The following SMO variants were observed in gnomAD, a reference collection of about 807,000 sequenced individuals.
SMO encodes the protein smoothened, frizzled class receptor, also known as protein smoothened.
Under a neutral mutation model 81.6 loss-of-function variants are expected in SMO, and 40 were observed. The ratio of observed to expected loss-of-function variants is 0.49; its 90% CI spans 0.38 to 0.64. SMO has a LOEUF of 0.64. Among genes scored for constraint, SMO ranks in the 30% least tolerant of loss-of-function variants. The pLI, the probability that SMO is intolerant of heterozygous loss-of-function variation, is 0.00. For synonymous variants in SMO, 434 were observed against 432.1 expected (o/e 1.00, Z -0.05); for missense variants, 916 against 1,061.1 (o/e 0.86, Z 1.90).
Position 129,206,465 on chromosome 7 carries a change from T to A in SMO, c.1142T>A (p.Val381Glu). The A allele has an allele frequency of 6.2e-7, 1 of 1,613,974 alleles. No homozygotes were observed. Among genetic ancestry groups the A allele is most frequent in the Non-Finnish European group, 8.5e-7 (1 of 1,179,928 alleles). Reference protein sequence around the residue: ...LTVAILAVAQVDGDSVSGICF... With the variant: ...LTVAILAVAQEDGDSVSGICF... ...CTGTCCCACCCCTTCCTGCTGCAGG[T>A]GGATGGGGACTCTGTGAGTGGGATT... The change falls in exon 6 of 12, where the codon GTG becomes GAG. Residue 381 changes from valine (V) to glutamate (E), a missense_variant and splice_region_variant. Physicochemically the swap from Val to Glu is moderately radical, Grantham distance 121 (BLOSUM62 -2). This residue lies in a region of SMO where 436 missense variants were observed against 570.9 expected (regional missense o/e 0.76). Transcript: ENST00000249373. This position sits in a 1 kb window ranked among gnomAD's most constrained non-coding sequence, Gnocchi z 4.4.
At chr7:129,205,558 G>C (rs952101307) in intron 3 of SMO, 52 bp from the exon 4 acceptor site, 6 of 1,568,300 alleles carry the variant, frequency 3.8e-6, no homozygotes, top group Non-Finnish European at 5.3e-6. Flanking sequence ...AAGGGTGTCT[G>C]TGTCAGCAGA....
chr7:129,194,218 T>A (rs1412280689), intron 1 of SMO, among the ~76,000 whole-genome samples: 5 of 151,884 alleles, frequency 3.3e-5, no homozygotes, highest in Non-Finnish European at 7.4e-5. Context: ...TAAAAAAAAA[T>A]TATCTTTAAT....
In SMO at chr7:129,212,570, C is replaced by T; in HGVS notation, c.*119C>T. The stretch of plus-strand genomic sequence containing the variant: ...TCCAGAGAACCTGTGGGCTGACTGC[C>T]CTCCGAAGAGAGTTCTGGATGTCTG... On this transcript the variant is annotated 3_prime_UTR_variant, in exon 12 of 12. Transcript: ENST00000249373. The surrounding 1 kb of genome is among the most constrained non-coding windows in gnomAD (Gnocchi z 5.0). 2 of 957,720 alleles carry T rather than the reference C, an allele frequency of 2.1e-6. No homozygotes were observed. The highest frequency in any genetic ancestry group is 3.1e-6 in the Non-Finnish European group (2 of 648,952). 59.3% of individuals were successfully genotyped at this position (957,720 alleles called of 1,614,324 possible). A position where few individuals can be genotyped will look rare whatever the true frequency, so the allele number is the denominator to read the frequency against.
Position 129,212,224 on chromosome 7 carries a change from C to T in SMO, c.2137C>T (p.Leu713=), listed in dbSNP as rs2150656814. The part of the protein sequence containing the change: ...RLPQLPRQKC[L]VAAGAWGAGD... ...GCCTCAGCTGCCCCGGCAGAAATGCCTGGTGGCTGCAGGTGCCTGGGGAGC... is the reference window on the plus strand; with the variant it reads ...GCCTCAGCTGCCCCGGCAGAAATGCTTGGTGGCTGCAGGTGCCTGGGGAGC... Residue 713 remains leucine, a synonymous_variant, in exon 12 of 12, where the codon CTG becomes TTG. Transcript: ENST00000249373. This position sits in a 1 kb window ranked among gnomAD's most constrained non-coding sequence, Gnocchi z 5.0. 1 of 1,584,134 alleles carries T rather than the reference C, an allele frequency of 6.3e-7. No homozygotes were observed. Among genetic ancestry groups the T allele is most frequent in the South Asian group, 1.1e-5 (1 of 87,914 alleles).
Position 129,208,691 on chromosome 7 carries a change from C to A in SMO, c.1265-68C>A. 1 of 956,794 alleles carries A rather than the reference C, an allele frequency of 1.0e-6. No individual in the cohort carries two copies. 59.3% of individuals were successfully genotyped at this position (956,794 alleles called of 1,614,324 possible). A position where few individuals can be genotyped will look rare whatever the true frequency, so the allele number is the denominator to read the frequency against. ...CTCCAGAGCCTTAGGACCCTCCTCC[C>A]ACTCACCCATCCTTCCCAGCAGGGC... On this transcript the variant is annotated intron_variant, in intron 6 of 11. Transcript: ENST00000249373. The surrounding 1 kb of genome is among the most constrained non-coding windows in gnomAD (Gnocchi z 5.2).
intron 1 of SMO, among the ~76,000 whole-genome samples, chr7:129,199,795 A>G (rs1377272184): frequency 6.6e-6 from 1 of 152,202 alleles, no homozygotes; most frequent in Non-Finnish European, 1.5e-5. Context: ...TTAATAATAC[A>G]AATGTGGAAT....
intron 1 of SMO, among the ~76,000 whole-genome samples, chr7:129,195,354 T>C (rs775593386): frequency 6.6e-6 from 1 of 152,250 alleles, no homozygotes; most frequent in Admixed American, 6.5e-5. Context: ...TTTGGTATTA[T>C]CAGCCTTTTA....
intron 1 of SMO, 63 bp from the exon 2 acceptor site, chr7:129,203,321 G>A (rs776525714): frequency 7.9e-7 from 1 of 1,273,104 alleles, no homozygotes; most frequent in Non-Finnish European, 1.1e-6. Flanking sequence ...GGACAGGGGT[G>A]AAGCTGCGTC....
chr7:129,194,869 C>T (rs1000533713), intron 1 of SMO, among the ~76,000 whole-genome samples: 1 of 152,128 alleles, frequency 6.6e-6, no homozygotes. Flanking sequence ...TACACCTCCA[C>T]CTCCTGGGTT....
intron 1 of SMO, among the ~76,000 whole-genome samples, chr7:129,192,587 G>C (rs1290848196): frequency 2.0e-5 from 3 of 152,112 alleles, no homozygotes; most frequent in Non-Finnish European, 4.4e-5. Flanking sequence ...AGACGATGGC[G>C]GTTGGGACTG....
chr7:129,210,107 C>T lies in SMO; in HGVS notation c.1467-256C>T, dbSNP rs780248955. On this transcript the variant is annotated intron_variant, in intron 8 of 11. Transcript: ENST00000249373. This position sits in a 1 kb window ranked among gnomAD's most constrained non-coding sequence, Gnocchi z 4.7. The stretch of plus-strand genomic sequence containing the variant: ...TGAGCACCCAGGGTTGAGATCAGTG[C>T]TGTGGAGCTTAGCCCTTTCTAAAGT... 2.1e-5 allele frequency: 9 copies of T among 420,722 alleles called. No individual in the cohort carries two copies. The highest frequency in any genetic ancestry group is 7.8e-5 in the South Asian group (3 of 38,496). The allele number at this position is 420,722 out of a possible 1,614,324, so 26.1% of individuals were successfully genotyped here.
chr7:129,202,594 A>G (rs1793688571), intron 1 of SMO, among the ~76,000 whole-genome samples: 1 of 152,070 alleles, frequency 6.6e-6, no homozygotes, highest in South Asian at 2.1e-4. Context: ...TCTTGCTGAC[A>G]ACATTTTTCC....
At position 129,212,412 on chromosome 7, in the gene SMO, G is replaced by A. The variant is rs1312985233; in HGVS notation, c.2325G>A (p.Leu775=). 2 of 1,613,738 alleles carry A rather than the reference G, an allele frequency of 1.2e-6. No homozygotes were observed. The highest frequency in any genetic ancestry group is 2.2e-5 in the South Asian group (2 of 91,086). The part of the protein sequence containing the change: ...GLGPIHSRTN[L]MDTELMDADS... Reference sequence around the variant, plus strand: ...GGCCTATTCACTCCCGCACCAACCTGATGGACACAGAACTCATGGATGCAG... The same window carrying A: ...GGCCTATTCACTCCCGCACCAACCTAATGGACACAGAACTCATGGATGCAG... Residue 775 remains leucine (L), a synonymous_variant, in exon 12 of 12, where the codon CTG becomes CTA. Transcript: ENST00000249373. The surrounding 1 kb of genome is among the most constrained non-coding windows in gnomAD (Gnocchi z 5.0).
chr7:129,201,349 A>G (rs954356681), intron 1 of SMO, among the ~76,000 whole-genome samples: 2 of 152,088 alleles, frequency 1.3e-5, no homozygotes, highest in Non-Finnish European at 2.9e-5. Context: ...CAGCCGACAC[A>G]ACCTTTTTAT....
intron 1 of SMO, among the ~76,000 whole-genome samples, chr7:129,200,770 G>C (rs1336351600): frequency 1.3e-5 from 2 of 152,242 alleles, no homozygotes; most frequent in Middle Eastern, 3.4e-3. Flanking sequence ...GAGTCTTGCT[G>C]TATCACCCAG....
In SMO at chr7:129,205,706, C is replaced by A. The variant is rs1584661945; in HGVS notation, c.844C>A (p.Leu282Met). ...ACFFVGSIGW[L>M]AQFMDGARRE... ...CTTCTTTGTGGGCAGCATTGGCTGG[C>A]TGGCCCAGTTCATGGATGGTGCCCG... is the stretch of plus-strand genomic sequence containing the variant. Residue 282 changes from leucine to methionine, a missense_variant, in exon 4 of 12, where the codon CTG becomes ATG. Transcript: ENST00000249373. 1 of 1,613,268 alleles carries A rather than the reference C, an allele frequency of 6.2e-7. No homozygotes were observed. Among genetic ancestry groups the A allele is most frequent in the Non-Finnish European group, 8.5e-7 (1 of 1,180,028 alleles).
chr7:129,197,073 T>C (rs192677166), intron 1 of SMO, among the ~76,000 whole-genome samples: 43 of 152,168 alleles, frequency 2.8e-4, no homozygotes, highest in Non-Finnish European at 5.7e-4. Flanking sequence ...TTTCACTTTG[T>C]TGCTGATATA....
rs763037096 is a variant in SMO at position 129,211,827 on chromosome 7, C to T, written c.1936+57C>T. 4 of 1,604,894 alleles carry T rather than the reference C, an allele frequency of 2.5e-6. No homozygotes were observed. The highest frequency in any genetic ancestry group is 2.7e-5 in the African/African-American group (2 of 74,708). On this transcript the variant is annotated intron_variant, in intron 11 of 11. Transcript: ENST00000249373. The surrounding 1 kb of genome is among the most constrained non-coding windows in gnomAD (Gnocchi z 4.6). Reference sequence around the variant, plus strand: ...GGGGGAGCACAGAGGCTGGGGGCTTCTGGGACTGGAGTACAGGGGCTGTCG... The same window carrying T: ...GGGGGAGCACAGAGGCTGGGGGCTTTTGGGACTGGAGTACAGGGGCTGTCG...
At chr7:129,207,025 A>G (rs1793783548) in intron 6 of SMO, among the ~76,000 whole-genome samples, 1 of 152,124 alleles carries the variant, frequency 6.6e-6, no homozygotes, top group Non-Finnish European at 1.5e-5. Flanking sequence ...TTGTATTTTT[A>G]GTAGAGACGG....
Sources: gnomAD v4.1 joint callset for allele counts (sites outside exome capture counted in the v4.1 genomes callset) on GRCh38, gnomAD v4.1.1 for gene constraint, gnomAD v4.1.1 regional missense constraint, Gnocchi (gnomAD v3.1) non-coding constraint, MANE v1.5 for transcripts, NCBI Gene and HGNC (gene_info 2026-07-23, HGNC 2026-07-21) for gene names.